Variants in ZNF407 observed in about 807,000 individuals in gnomAD.
ZNF407 encodes zinc finger protein 407.
Under a neutral mutation model 131.2 loss-of-function variants are expected in ZNF407, and 17 were observed. The observed-to-expected ratio is 0.13, with a 90% CI of 0.09 to 0.19. The LOEUF (loss-of-function observed/expected upper bound fraction) is 0.19, where lower values mean the gene tolerates loss of function less well. ZNF407 is among the 10% of genes least tolerant of loss of function. The pLI is 1.00. For missense variants in ZNF407, 2,681 were observed against 2,830.6 expected (o/e 0.95, Z 1.20); for synonymous variants, 1,156 against 1,062.0 (o/e 1.09, Z -1.72).
chr18:75,053,744 C>T (rs1187376133), intron 8 of ZNF407, among the ~76,000 whole-genome samples: 2 of 152,244 alleles, frequency 1.3e-5, no homozygotes, highest in African/African-American at 4.8e-5. Flanking sequence ...AGTCCGCCCA[C>T]TCGGTCCTGC....
chr18:74,940,113 G>C (rs1450632351), intron 8 of ZNF407, among the ~76,000 whole-genome samples: 1 of 152,172 alleles, frequency 6.6e-6, no homozygotes, highest in African/African-American at 2.4e-5. Context: ...CCGAGGATTA[G>C]AAGAAACAAG....
At chr18:74,784,103 A>C (rs2145035011) in intron 4 of ZNF407, among the ~76,000 whole-genome samples, 1 of 152,316 alleles carries the variant, frequency 6.6e-6, no homozygotes, top group African/African-American at 2.4e-5. Flanking sequence ...AGTATGCTGG[A>C]CCATCAGTCT....
At chr18:74,941,057 C>T (rs980808650) in intron 8 of ZNF407, among the ~76,000 whole-genome samples, 8 of 149,172 alleles carry the variant, frequency 5.4e-5, no homozygotes, top group African/African-American at 2.0e-4. Flanking sequence ...CTAAGTGAAT[C>T]CCAGTGGCGG....
At chr18:74,887,925 G>T (rs1341694709) in intron 6 of ZNF407, among the ~76,000 whole-genome samples, 1 of 152,166 alleles carries the variant, frequency 6.6e-6, no homozygotes, top group African/African-American at 2.4e-5. Flanking sequence ...AATGGGTTGT[G>T]TATGGATTCA....
At position 74,803,704 on chromosome 18, in the gene ZNF407, A is replaced by G. The variant is rs138413987; in HGVS notation, c.4877+22202A>G. Among the ~76,000 whole-genome samples, 15 of 152,352 alleles carry G rather than the reference A, an allele frequency of 9.8e-5. No individual in the cohort carries two copies. In the East Asian group the frequency reaches 1.9e-3, roughly 20 times the overall value. ...ACATACAAGCTTATTCTGATTGCGCATGAAAGAGAAAGTTTAGTATTTCTA... is the reference window on the plus strand; with the variant it reads ...ACATACAAGCTTATTCTGATTGCGCGTGAAAGAGAAAGTTTAGTATTTCTA... On this transcript the variant is annotated intron_variant, in intron 4 of 8. Transcript: ENST00000299687.
intron 3 of ZNF407, among the ~76,000 whole-genome samples, chr18:74,763,574 G>A (rs1166993707): frequency 6.6e-6 from 1 of 151,584 alleles, no homozygotes; most frequent in East Asian, 1.9e-4. Flanking sequence ...TATATTTACG[G>A]TCTGTGATTC....
chr18:74,725,111 T>C (rs988154672), intron 3 of ZNF407, among the ~76,000 whole-genome samples: 5 of 152,238 alleles, frequency 3.3e-5, no homozygotes, highest in Non-Finnish European at 5.9e-5. Flanking sequence ...TCAAATGAGC[T>C]GTTTGTGTTC....
intron 4 of ZNF407, among the ~76,000 whole-genome samples, chr18:74,782,359 A>T (rs554581406): frequency 1.2e-4 from 18 of 152,292 alleles, no homozygotes; most frequent in Non-Finnish European, 2.5e-4. Flanking sequence ...AATGTTTAAT[A>T]GTCTTTTTAA....
chr18:74,863,631 A>G (rs986873835), intron 4 of ZNF407, among the ~76,000 whole-genome samples: 7 of 152,158 alleles, frequency 4.6e-5, no homozygotes, highest in East Asian at 1.9e-4. Context: ...TATTGCTACT[A>G]TCTTTTTATT....
intron 8 of ZNF407, among the ~76,000 whole-genome samples, chr18:74,975,137 A>G (rs562529623): frequency 6.6e-6 from 1 of 152,338 alleles, no homozygotes; most frequent in African/African-American, 2.4e-5. Context: ...GTAGGCTGGC[A>G]TTATTAAAAT....
chr18:74,773,701 T>C (rs4891010), intron 3 of ZNF407, among the ~76,000 whole-genome samples: 146,693 of 152,352 alleles, frequency 0.96, 70,869 homozygotes, highest in East Asian at 1. Flanking sequence ...TTTAGAATAA[T>C]GAAAAGATAT....
intron 6 of ZNF407, among the ~76,000 whole-genome samples, chr18:74,882,375 T>G (rs1413418681): frequency 6.6e-6 from 1 of 152,224 alleles, no homozygotes; most frequent in African/African-American, 2.4e-5. Flanking sequence ...AATGTCCTAC[T>G]TCTCTTAGGT....
intron 8 of ZNF407, among the ~76,000 whole-genome samples, chr18:75,022,726 T>C (rs1973125035): frequency 6.6e-6 from 1 of 152,116 alleles, no homozygotes; most frequent in Admixed American, 6.5e-5. Context: ...ACTTACACTA[T>C]TGGCAGGAAT....
intron 7 of ZNF407, among the ~76,000 whole-genome samples, chr18:74,909,042 A>G (rs2628112): frequency 0.97 from 147,356 of 151,836 alleles, 71,681 homozygotes; most frequent in East Asian, 1. Flanking sequence ...CCTTTCAACC[A>G]AAGTTTTATA....
intron 3 of ZNF407, among the ~76,000 whole-genome samples, chr18:74,746,788 T>TA (rs1358016859): frequency 0.014 from 2,045 of 142,798 alleles, 31 homozygotes; most frequent in African/African-American, 0.042. Context: ...ACACTTAACT[T>TA]AAAAAAAAAA....
At chr18:74,739,962 G>A (rs1217403544) in intron 3 of ZNF407, among the ~76,000 whole-genome samples, 1 of 152,002 alleles carries the variant, frequency 6.6e-6, no homozygotes, top group African/African-American at 2.4e-5. Context: ...AATATACTAA[G>A]TCAGTCAGTG....
At chr18:74,817,050 A>C (rs1364052625) in intron 4 of ZNF407, among the ~76,000 whole-genome samples, 1 of 152,212 alleles carries the variant, frequency 6.6e-6, no homozygotes, top group African/African-American at 2.4e-5. Context: ...TAATATGTTC[A>C]GAAATTTCAG....
intron 4 of ZNF407, among the ~76,000 whole-genome samples, chr18:74,798,494 A>G (rs188569615): frequency 6.2e-4 from 95 of 152,208 alleles, no homozygotes; most frequent in African/African-American, 2.0e-3. Context: ...GATTATTTTC[A>G]TTTCAGTGGT....
intron 3 of ZNF407, among the ~76,000 whole-genome samples, chr18:74,689,015 A>G (rs1429792447): frequency 6.6e-6 from 1 of 152,046 alleles, no homozygotes; most frequent in Admixed American, 6.6e-5. Flanking sequence ...TTTTGTAGAG[A>G]TGGGGTTTCA....
Sources: allele counts gnomAD v4.1 joint callset (sites outside exome capture counted in the v4.1 genomes callset), GRCh38; gene constraint gnomAD v4.1.1; transcripts MANE v1.5; gene names NCBI Gene and HGNC (gene_info 2026-07-23, HGNC 2026-07-21).